The following TOX variants were observed in gnomAD, a reference collection of about 807,000 sequenced individuals.
TOX encodes the protein thymocyte selection associated high mobility group box.
In TOX, 11 loss-of-function variants were observed where a neutral mutation model predicts 53.7. The ratio of observed to expected loss-of-function variants is 0.20; its 90% CI spans 0.13 to 0.34. The LOEUF is 0.34. Ranked by LOEUF, TOX falls within the 10% of genes least tolerant of loss-of-function variation. The pLI is 1.00. For missense variants in TOX, 570 were observed against 664.6 expected, an observed-to-expected ratio of 0.86 and a Z score of 1.56; for synonymous variants, 225 against 245.3, an observed-to-expected ratio of 0.92 and a Z score of 0.77.
chr8:58,897,431 TC>T (rs1319662365), intron 3 of TOX, among the ~76,000 whole-genome samples: 1 of 152,142 alleles, frequency 6.6e-6, no homozygotes, highest in Non-Finnish European at 1.5e-5. Context: ...GAGGGCATAA[TC>T]CATGTATCAC....
At chr8:59,099,928 T>A (rs1804776739) in intron 1 of TOX, among the ~76,000 whole-genome samples, 1 of 152,168 alleles carries the variant, frequency 6.6e-6, no homozygotes, top group African/African-American at 2.4e-5. Context: ...CACTTTGTAA[T>A]GTAAAAGAAA....
intron 1 of TOX, chr8:58,992,730 T>C (rs1321674020): frequency 1.3e-5 from 2 of 152,240 alleles, no homozygotes; most frequent in Non-Finnish European, 1.5e-5. Context: ...TGCCTAACTT[T>C]TTTTTGAAGC....
At chr8:59,068,371 A>G (rs1340626234) in intron 1 of TOX, among the ~76,000 whole-genome samples, 1 of 151,994 alleles carries the variant, frequency 6.6e-6, no homozygotes, top group East Asian at 1.9e-4. Context: ...GATAGCTGTA[A>G]AGGAGACGGG....
At chr8:58,948,471 A>G (rs1812561341) in intron 2 of TOX, among the ~76,000 whole-genome samples, 1 of 152,162 alleles carries the variant, frequency 6.6e-6, no homozygotes, top group African/African-American at 2.4e-5. Flanking sequence ...TGTCATAAAT[A>G]AGGGCCTCTC....
chr8:58,941,325 A>T (rs1812435772), intron 2 of TOX, among the ~76,000 whole-genome samples: 1 of 152,200 alleles, frequency 6.6e-6, no homozygotes, highest in Non-Finnish European at 1.5e-5. Context: ...TGTTGCCTCC[A>T]TTTAACCATT....
chr8:58,872,148 A>G (rs970688197), intron 3 of TOX, among the ~76,000 whole-genome samples: 6 of 152,152 alleles, frequency 3.9e-5, no homozygotes, highest in African/African-American at 1.4e-4. Context: ...AGTGTTTGCT[A>G]GAAAAATACA....
At chr8:59,050,756 T>C (rs751206885) in intron 1 of TOX, among the ~76,000 whole-genome samples, 6 of 152,170 alleles carry the variant, frequency 3.9e-5, no homozygotes, top group Non-Finnish European at 7.4e-5. Flanking sequence ...TTTCATCCTT[T>C]GTAATCTCAT....
intron 1 of TOX, among the ~76,000 whole-genome samples, chr8:58,960,863 G>C (rs1054673337): frequency 2.0e-5 from 3 of 152,166 alleles, no homozygotes; most frequent in Non-Finnish European, 2.9e-5. Flanking sequence ...CTTGATAGAT[G>C]AGCAAAGCAT....
intron 6 of TOX, among the ~76,000 whole-genome samples, chr8:58,821,462 A>G (rs1313663114): frequency 1.3e-5 from 2 of 152,056 alleles, no homozygotes; most frequent in East Asian, 3.8e-4. Context: ...AACACTTAAC[A>G]TGAGATCTAC....
chr8:58,901,946 A>ACAAC (rs1811739685), intron 3 of TOX, among the ~76,000 whole-genome samples: 5 of 152,194 alleles, frequency 3.3e-5, no homozygotes, highest in Non-Finnish European at 7.4e-5. Context: ...TGCACCATGG[A>ACAAC]TATCTTCCAC....
At chr8:58,982,341 C>A (rs1319105387) in intron 1 of TOX, among the ~76,000 whole-genome samples, 1 of 152,154 alleles carries the variant, frequency 6.6e-6, no homozygotes, top group Admixed American at 6.5e-5. Flanking sequence ...GAATGAGCGC[C>A]CTTCTACAGA....
chr8:58,945,589 A>T (rs1812511584), intron 2 of TOX, among the ~76,000 whole-genome samples: 3 of 152,124 alleles, frequency 2.0e-5, no homozygotes, highest in Admixed American at 2.0e-4. Flanking sequence ...ACTGCTTTAC[A>T]TGTTCCATGA....
chr8:59,081,044 G>A (rs558742517), intron 1 of TOX, among the ~76,000 whole-genome samples: 1 of 151,998 alleles, frequency 6.6e-6, no homozygotes, highest in East Asian at 1.9e-4. Context: ...GTTTTGTTTT[G>A]AAGACAGAGT....
At chr8:58,826,734 A>G (rs1810373252) in intron 6 of TOX, 88 bp downstream of exon 6, 2 of 1,142,658 alleles carry the variant, frequency 1.8e-6, no homozygotes, top group Non-Finnish European at 2.5e-6. Flanking sequence ...CAGAATCGTT[A>G]AAGTGATCTT....
At chr8:59,094,096 T>G (rs1804670135) in intron 1 of TOX, among the ~76,000 whole-genome samples, 1 of 152,122 alleles carries the variant, frequency 6.6e-6, no homozygotes, top group Non-Finnish European at 1.5e-5. Context: ...AAATTACATG[T>G]TTTACAGATT....
At chr8:59,068,660 C>A (rs1229321566) in intron 1 of TOX, among the ~76,000 whole-genome samples, 1 of 152,084 alleles carries the variant, frequency 6.6e-6, no homozygotes, top group Non-Finnish European at 1.5e-5. Flanking sequence ...TAATATTATA[C>A]CCATTTTAAT....
rs116268574 is a variant in TOX at position 58,959,538 on chromosome 8, C to T, written c.168+405G>A. Among the ~76,000 whole-genome samples, 724 of 152,254 alleles carry T rather than the reference C, an allele frequency of 4.8e-3. 3 individuals carry two copies. Among genetic ancestry groups the T allele is most frequent in the African/African-American group, 0.017 (693 of 41,544 alleles). On this transcript the variant is annotated intron_variant, in intron 2 of 8. Transcript: ENST00000361421. The stretch of plus-strand genomic sequence containing the variant: ...CCGGCCATGGGATTTGGGTTACGAA[C>T]GTTACGTTTTGTTGAAAATGGCCCC...
chr8:59,049,004 G>A (rs1803739404), intron 1 of TOX, among the ~76,000 whole-genome samples: 1 of 151,770 alleles, frequency 6.6e-6, no homozygotes, highest in African/African-American at 2.4e-5. Flanking sequence ...TTAGTCATGA[G>A]CTCTTTTCAG....
chr8:59,111,225 G>C lies in TOX; in HGVS notation c.102+7661C>G, dbSNP rs192198243. On this transcript the variant is annotated intron_variant, in intron 1 of 8. Transcript: ENST00000361421. ...AGTCAACATAGACTTAACGGCACTTGGTTTTTATCTCAAATATTCAACATA... is the reference window on the plus strand; with the variant it reads ...AGTCAACATAGACTTAACGGCACTTCGTTTTTATCTCAAATATTCAACATA... Among the ~76,000 whole-genome samples the C allele has an allele frequency of 5.3e-5, 8 of 152,150 alleles. No individual in the cohort carries two copies. In the East Asian group the frequency reaches 1.5e-3, roughly 29 times the overall value.
Sources: gnomAD v4.1 joint callset for allele counts (sites outside exome capture counted in the v4.1 genomes callset) on GRCh38, gnomAD v4.1.1 for gene constraint, MANE v1.5 for transcripts, NCBI Gene and HGNC (gene_info 2026-07-23, HGNC 2026-07-21) for gene names.